Variants in MYO1D observed in about 807,000 individuals in gnomAD.
MYO1D encodes the protein myosin ID, also known as unconventional myosin-Id.
MYO1D carries 83 observed loss-of-function variants against 122.0 expected under a neutral mutation model. The ratio of observed to expected loss-of-function variants is 0.68; its 90% CI spans 0.57 to 0.82. The LOEUF (loss-of-function observed/expected upper bound fraction) is 0.82. MYO1D is among the 40% of genes least tolerant of loss of function. The pLI is 0.00. For missense variants in MYO1D, 1,157 were observed against 1,269.5 expected, an observed-to-expected ratio of 0.91 and a Z score of 1.35; for synonymous variants, 464 against 446.9, an observed-to-expected ratio of 1.04 and a Z score of -0.48.
Position 32,822,481 on chromosome 17 carries a change from GGC to G in MYO1D, c.96-41699_96-41698del, listed in dbSNP as rs2090677032. ...CCACGGGCAGTGGTGGGGGGCGGGG[GGC>G]GCGCGTCCCCGGTCGGCGCGCCGCT... On this transcript the variant is annotated intron_variant, in intron 1 of 21. Transcript: ENST00000318217. 4.7e-5 allele frequency among the ~76,000 whole-genome samples: 7 copies of G among 148,286 alleles called. 1 individual carries two copies. The South Asian group carries it at 1.3e-3, about 27-fold the overall frequency.
chr17:32,683,442 T>C (rs2088952748), intron 16 of MYO1D, among the ~76,000 whole-genome samples: 1 of 152,186 alleles, frequency 6.6e-6, no homozygotes, highest in Admixed American at 6.5e-5. Context: ...GGATGTCCTT[T>C]CTGTTTGTTA....
intron 14 of MYO1D, among the ~76,000 whole-genome samples, chr17:32,723,844 C>G (rs2089540464): frequency 6.6e-6 from 1 of 152,116 alleles, no homozygotes; most frequent in Non-Finnish European, 1.5e-5. Context: ...ATTTTAAGCA[C>G]TATATTTTAC....
At chr17:32,764,542 A>G (rs2090035278) in intron 8 of MYO1D, among the ~76,000 whole-genome samples, 1 of 152,146 alleles carries the variant, frequency 6.6e-6, no homozygotes, top group Non-Finnish European at 1.5e-5. Flanking sequence ...AAACATATAC[A>G]ATTATTGTCA....
intron 21 of MYO1D, chr17:32,498,590 GC>G (rs1281959821): frequency 3.3e-5 from 5 of 152,220 alleles, no homozygotes; most frequent in Admixed American, 6.5e-5. Flanking sequence ...CTTCCTGAGA[GC>G]CTGGGAAGCC....
At chr17:32,819,567 G>A (rs2090642728) in intron 1 of MYO1D, among the ~76,000 whole-genome samples, 1 of 152,160 alleles carries the variant, frequency 6.6e-6, no homozygotes, top group Admixed American at 6.5e-5. Flanking sequence ...CTTTTCTGCA[G>A]GGAATGTCCA....
intron 16 of MYO1D, among the ~76,000 whole-genome samples, chr17:32,677,580 A>ATAT (rs2088834937): frequency 4.4e-5 from 6 of 135,896 alleles, no homozygotes; most frequent in South Asian, 2.4e-4. Context: ...TAGATAGATA[A>ATAT]ATATATATAT....
At chr17:32,563,965 A>G (rs2087149772) in intron 21 of MYO1D, among the ~76,000 whole-genome samples, 1 of 152,286 alleles carries the variant, frequency 6.6e-6, no homozygotes, top group Admixed American at 6.5e-5. Context: ...ATATGCAAGT[A>G]GCAGGAGACA....
intron 21 of MYO1D, among the ~76,000 whole-genome samples, chr17:32,539,496 G>C (rs112743847): frequency 8.9e-4 from 136 of 152,266 alleles, no homozygotes; most frequent in African/African-American, 3.2e-3. Flanking sequence ...AAATCAAAGT[G>C]TGAGCAGGGC....
intron 16 of MYO1D, among the ~76,000 whole-genome samples, chr17:32,698,298 CT>C (rs1194715982): frequency 5.7e-5 from 6 of 105,406 alleles, no homozygotes; most frequent in South Asian, 4.8e-4. Context: ...CCCTTCCCCC[CT>C]CTCCCTCCCC....
intron 16 of MYO1D, among the ~76,000 whole-genome samples, chr17:32,676,465 T>G (rs2088810965): frequency 6.6e-6 from 1 of 152,136 alleles, no homozygotes. Context: ...CTTAGCATTT[T>G]GCCTTTTATC....
At chr17:32,733,853 T>C (rs148093694) in intron 14 of MYO1D, among the ~76,000 whole-genome samples, 1 of 152,368 alleles carries the variant, frequency 6.6e-6, no homozygotes, top group Non-Finnish European at 1.5e-5. Context: ...TCTAACATTT[T>C]AGTTGTTTTC....
At chr17:32,650,938 G>A (rs1000687360) in intron 19 of MYO1D, among the ~76,000 whole-genome samples, 13 of 151,978 alleles carry the variant, frequency 8.6e-5, no homozygotes, top group Non-Finnish European at 1.5e-4. Context: ...TTGTATGCTT[G>A]GAAACTTTTG....
At chr17:32,560,554 T>TATATATATATATATATATACAC (rs1567890294) in intron 21 of MYO1D, among the ~76,000 whole-genome samples, 1 of 123,988 alleles carries the variant, frequency 8.1e-6, no homozygotes, top group Non-Finnish European at 1.7e-5. Context: ...TATATATATA[T>TATATATATATATATATATACAC]ATATATATAT....
At chr17:32,538,719 G>A (rs142440808) in intron 21 of MYO1D, among the ~76,000 whole-genome samples, 3,088 of 152,114 alleles carry the variant, frequency 0.02, 103 homozygotes, top group African/African-American at 0.069. Flanking sequence ...ATGATAGACC[G>A]GATAAAGAAA....
intron 13 of MYO1D, among the ~76,000 whole-genome samples, chr17:32,741,946 C>T (rs1411344316): frequency 4.1e-5 from 6 of 145,742 alleles, no homozygotes; most frequent in South Asian, 2.2e-4. Context: ...ACCTGGGAGG[C>T]GGAGCTTGCA....
chr17:32,782,793 G>A lies in MYO1D; in HGVS notation c.96-2009C>T, dbSNP rs189155184. 1.1e-4 allele frequency among the ~76,000 whole-genome samples: 16 copies of A among 152,176 alleles called. No homozygotes were observed. The East Asian group carries it at 2.1e-3, about 20-fold the overall frequency. Reference sequence around the variant, plus strand: ...TCTACCAAAAATACAAAATTAGCTCGGCGTGGTGGTGCACACTTATAATCC... The same window carrying A: ...TCTACCAAAAATACAAAATTAGCTCAGCGTGGTGGTGCACACTTATAATCC... On this transcript the variant is annotated intron_variant, in intron 1 of 21. Transcript: ENST00000318217.
intron 1 of MYO1D, among the ~76,000 whole-genome samples, chr17:32,864,870 T>C (rs1192248549): frequency 6.6e-6 from 1 of 152,196 alleles, no homozygotes; most frequent in African/African-American, 2.4e-5. Flanking sequence ...GACTTTGTCT[T>C]GCCCTTAGAA....
chr17:32,708,207 A>AT (rs763273659), intron 16 of MYO1D, among the ~76,000 whole-genome samples: 4 of 152,216 alleles, frequency 2.6e-5, no homozygotes, highest in Non-Finnish European at 5.9e-5. Context: ...GCAGAAAAAG[A>AT]TAAAGTTGAT....
intron 16 of MYO1D, 25 bp from the exon 17 acceptor site, chr17:32,659,363 A>T (rs2088524898): frequency 1.2e-6 from 2 of 1,609,356 alleles, no homozygotes; most frequent in African/African-American, 2.7e-5. Context: ...AAGAAAAAGG[A>T]AAACGTTATT....
Sources: gnomAD v4.1 joint callset for allele counts (sites outside exome capture counted in the v4.1 genomes callset) on GRCh38, gnomAD v4.1.1 for gene constraint, MANE v1.5 for transcripts, NCBI Gene and HGNC (gene_info 2026-07-23, HGNC 2026-07-21) for gene names.